The following USP15 variants were observed in gnomAD, a reference collection of about 807,000 sequenced individuals.
USP15 encodes ubiquitin specific peptidase 15.
Under a neutral mutation model 127.1 loss-of-function variants are expected in USP15, and 18 were observed. The ratio of observed to expected loss-of-function variants is 0.14; its 90% CI spans 0.10 to 0.21. USP15 has a LOEUF of 0.21. USP15 is among the 10% of genes least tolerant of loss of function. USP15 has a pLI of 1.00. For missense variants in USP15, 805 were observed against 1,159.9 expected (o/e 0.69, Z 4.44); for synonymous variants, 364 against 393.7 (o/e 0.92, Z 0.89).
chr12:62,270,737 T>C (rs2063329567), intron 1 of USP15, among the ~76,000 whole-genome samples: 1 of 152,168 alleles, frequency 6.6e-6, no homozygotes, highest in South Asian at 2.1e-4. Flanking sequence ...AGATTATAAC[T>C]GTGTAGACAG....
intron 20 of USP15, among the ~76,000 whole-genome samples, chr12:62,397,340 A>T (rs1342961594): frequency 6.6e-6 from 1 of 152,250 alleles, no homozygotes; most frequent in Non-Finnish European, 1.5e-5. Flanking sequence ...TAGTAGAATT[A>T]ACCTGTAAAG....
At chr12:62,315,021 T>G (rs2137252869) in intron 4 of USP15, 105 bp downstream of exon 4, 1 of 1,115,360 alleles carries the variant, frequency 9.0e-7, no homozygotes, top group African/African-American at 1.6e-5. Flanking sequence ...AGGATTTATA[T>G]ATAGACATTT....
In USP15 at chr12:62,382,709, A is replaced by G. The variant is rs532569107; in HGVS notation, c.1089+1046A>G. Among the ~76,000 whole-genome samples the G allele has an allele frequency of 2.6e-5, 4 of 152,124 alleles. No individual in the cohort carries two copies. In the South Asian group the frequency reaches 8.3e-4, roughly 32 times the overall value. The stretch of plus-strand genomic sequence containing the variant: ...AAAAACAAAAATACTTAGTGATGAA[A>G]GATTAGGAAAATTGAATATGAACAT... On this transcript the variant is annotated intron_variant, in intron 9 of 21. Coordinates refer to ENST00000280377, the MANE Select transcript of USP15 (RefSeq NM_001252078.2).
At position 62,415,128 on chromosome 12, in the gene USP15, C is replaced by T. The variant is rs1481703890; in HGVS notation, c.*10753C>T. 6.6e-6 allele frequency: 1 copy of T among 152,036 alleles called. No homozygotes were observed. The highest frequency in any genetic ancestry group is 1.5e-5 in the Non-Finnish European group (1 of 68,020). The allele number at this position is 152,036 out of a possible 1,614,324, so 9.4% of individuals were successfully genotyped here. On this transcript the variant is annotated 3_prime_UTR_variant, in exon 22 of 22. Coordinates refer to ENST00000280377, the MANE Select transcript of USP15 (RefSeq NM_001252078.2). ...GAATGCCAATGGTGTAGTTCAAGTC[C>T]GAGTCCAAAGGGTTGAGAACCAGGA...
chr12:62,364,128 G>A (rs978899365), intron 8 of USP15, among the ~76,000 whole-genome samples: 3 of 152,214 alleles, frequency 2.0e-5, no homozygotes, highest in African/African-American at 4.8e-5. Context: ...CTAAATGAGG[G>A]TATCTATGAA....
At chr12:62,379,392 T>TAAGCAGGGA (rs2066922455) in intron 8 of USP15, among the ~76,000 whole-genome samples, 1 of 152,054 alleles carries the variant, frequency 6.6e-6, no homozygotes, top group African/African-American at 2.4e-5. Context: ...TTCCAATCTG[T>TAAGCAGGGA]AAGCAGGGAG....
chr12:62,388,510 C>T (rs1393856666), intron 11 of USP15, among the ~76,000 whole-genome samples: 2 of 152,270 alleles, frequency 1.3e-5, no homozygotes, highest in East Asian at 1.9e-4. Flanking sequence ...TTTCTGAGTA[C>T]TGTCAAAGGA....
At chr12:62,339,810 C>T (rs1331198068) in intron 6 of USP15, among the ~76,000 whole-genome samples, 1 of 152,174 alleles carries the variant, frequency 6.6e-6, no homozygotes, top group East Asian at 1.9e-4. Flanking sequence ...AGGATTTTTG[C>T]ATCAATGTGC....
In USP15 at chr12:62,407,957, G is replaced by A. The variant is rs1592754319; in HGVS notation, c.*3582G>A. 2 of 152,176 alleles carry A rather than the reference G, an allele frequency of 1.3e-5. No individual in the cohort carries two copies. Among genetic ancestry groups the A allele is most frequent in the African/African-American group, 4.8e-5 (2 of 41,514 alleles). 9.4% of individuals were successfully genotyped at this position (152,176 alleles called of 1,614,324 possible). On this transcript the variant is annotated 3_prime_UTR_variant, in exon 22 of 22. Coordinates refer to ENST00000280377, the MANE Select transcript of USP15 (RefSeq NM_001252078.2). The stretch of plus-strand genomic sequence containing the variant: ...TCTCATAATCTGTGTTATTTTAGTA[G>A]TCCTGTATTTATCCTTGCTTTCCTG...
rs946337184 is a variant in USP15 at position 62,321,082 on chromosome 12, TA to T, written c.476-374del. On this transcript the variant is annotated intron_variant, in intron 4 of 21. Transcript: ENST00000280377. ...GTGGTACTTAAAAAATTTTGCACAC[TA>T]AAAAAAATCTGTAACATCTCTTAAT... Among the ~76,000 whole-genome samples the T allele has an allele frequency of 3.3e-5, 5 of 152,038 alleles. No homozygotes were observed. The East Asian group carries it at 7.7e-4, about 23-fold the overall frequency.
chr12:62,376,551 T>C (rs2066834951), intron 8 of USP15, among the ~76,000 whole-genome samples: 1 of 152,162 alleles, frequency 6.6e-6, no homozygotes. Context: ...TGAACTCCAA[T>C]AAATTAACAG....
At position 62,393,181 on chromosome 12, in the gene USP15, C is replaced by T. The variant is rs1276852386; in HGVS notation, c.2549C>T (p.Thr850Ile). ...YSRYMRDKLD[T>I]LVDFPINDLD... ...CGATACATGAGAGACAAGTTGGATACCTTAGTTGATTTTCCTATCAAGTAA... is the reference window on the plus strand; with the variant it reads ...CGATACATGAGAGACAAGTTGGATATCTTAGTTGATTTTCCTATCAAGTAA... Residue 850 changes from threonine to isoleucine, a missense_variant, in exon 19 of 22, where the codon ACC (threonine) becomes ATC (isoleucine). Thr to Ile is a moderately conservative substitution (Grantham distance 89). Around this residue, in one of 11 missense-constraint regions of USP15, gnomAD observed 116 missense variants for 157.2 expected, o/e 0.74. Transcript: ENST00000280377. 12 of 1,612,022 alleles carry T rather than the reference C, an allele frequency of 7.4e-6. No individual in the cohort carries two copies. The highest frequency in any genetic ancestry group is 1.7e-5 in the Admixed American group (1 of 59,760).
At chr12:62,324,162 G>A (rs984400029) in intron 5 of USP15, among the ~76,000 whole-genome samples, 1 of 151,506 alleles carries the variant, frequency 6.6e-6, no homozygotes, top group Non-Finnish European at 1.5e-5. Context: ...ATTTTTATTT[G>A]GAGTTAAAGT....
At chr12:62,287,440 A>G (rs1036675095) in intron 1 of USP15, among the ~76,000 whole-genome samples, 3 of 152,158 alleles carry the variant, frequency 2.0e-5, no homozygotes, top group African/African-American at 7.2e-5. Flanking sequence ...GTCATTGAGT[A>G]GTTTGAGTTC....
At chr12:62,351,923 G>A (rs1000104777) in intron 7 of USP15, among the ~76,000 whole-genome samples, 4 of 151,138 alleles carry the variant, frequency 2.6e-5, no homozygotes, top group Non-Finnish European at 3.0e-5. Context: ...GAATTCTATC[G>A]TATTTAAACA....
chr12:62,308,025 A>C (rs2064537779), intron 3 of USP15, among the ~76,000 whole-genome samples: 2 of 152,140 alleles, frequency 1.3e-5, no homozygotes, highest in Non-Finnish European at 2.9e-5. Flanking sequence ...GTAATTAATA[A>C]ATTAAACTTC....
intron 6 of USP15, among the ~76,000 whole-genome samples, chr12:62,331,924 G>A (rs932800699): frequency 6.6e-6 from 1 of 152,094 alleles, no homozygotes; most frequent in Non-Finnish European, 1.5e-5. Flanking sequence ...CAGCACTTTG[G>A]GAGGCCAAGG....
intron 1 of USP15, among the ~76,000 whole-genome samples, chr12:62,278,112 G>A (rs187915724): frequency 6.6e-5 from 10 of 151,852 alleles, no homozygotes; most frequent in South Asian, 2.1e-4. Flanking sequence ...TTTTTTTGCC[G>A]TAAACTAAGA....
intron 3 of USP15, among the ~76,000 whole-genome samples, chr12:62,311,665 A>G (rs1305884886): frequency 6.6e-6 from 1 of 151,718 alleles, no homozygotes; most frequent in Non-Finnish European, 1.5e-5. Context: ...CCAGCATCAC[A>G]AAAAAAGGAG....
Sources: gnomAD v4.1 joint callset for allele counts (sites outside exome capture counted in the v4.1 genomes callset) on GRCh38, gnomAD v4.1.1 for gene constraint, gnomAD v4.1.1 regional missense constraint, MANE v1.5 for transcripts, NCBI Gene and HGNC (gene_info 2026-07-23, HGNC 2026-07-21) for gene names.